The following GRIN2A variants were observed in gnomAD, a reference collection of about 807,000 sequenced individuals.
The protein encoded by GRIN2A is glutamate ionotropic receptor NMDA type subunit 2A.
GRIN2A carries 22 observed loss-of-function variants against 113.4 expected under a neutral mutation model. That is an observed-to-expected ratio of 0.19 (90% CI 0.14 to 0.28). The LOEUF is 0.28. Among genes scored for constraint, GRIN2A ranks in the 10% least tolerant of loss-of-function variants. GRIN2A has a pLI of 1.00. For synonymous variants in GRIN2A, 827 were observed against 738.4 expected, an observed-to-expected ratio of 1.12 and a Z score of -1.94; for missense variants, 1,502 against 1,887.0, an observed-to-expected ratio of 0.80 and a Z score of 3.78.
At chr16:10,039,267 TCTCAGATGCTCTCTTGCTCA>T (rs1252277166) in intron 2 of GRIN2A, among the ~76,000 whole-genome samples, 1 of 152,128 alleles carries the variant, frequency 6.6e-6, no homozygotes, top group Non-Finnish European at 1.5e-5. Context: ...TAGCGTGTTT[TCTCAGATGCTCTCTTGCTCA>T]CGACTCAAAG....
intron 2 of GRIN2A, among the ~76,000 whole-genome samples, chr16:10,090,014 A>AT (rs916636368): frequency 2.0e-5 from 3 of 152,188 alleles, no homozygotes; most frequent in African/African-American, 4.8e-5. Context: ...ATACCATGTG[A>AT]TAAAAAAAAA....
chr16:9,872,514 G>C lies in GRIN2A; in HGVS notation c.1122+18472C>G, dbSNP rs986792719. Reference sequence around the variant, plus strand: ...GACAGATGTCCCATCTGTATTTTTTGAATCCTCATCCATTTTCAGTGAGAT... The same window carrying C: ...GACAGATGTCCCATCTGTATTTTTTCAATCCTCATCCATTTTCAGTGAGAT... On this transcript the variant is annotated intron_variant, in intron 4 of 12. Coordinates refer to ENST00000330684, the MANE Select transcript of GRIN2A (RefSeq NM_001134407.3). Among the ~76,000 whole-genome samples, 5 of 152,190 alleles carry C rather than the reference G, an allele frequency of 3.3e-5. No individual in the cohort carries two copies. In the South Asian group the frequency reaches 1.0e-3, roughly 32 times the overall value.
Position 9,754,879 on chromosome 16 carries a change from G to A in GRIN2A, c.*8270C>T. 4.5e-6 allele frequency: 1 copy of A among 224,324 alleles called. No individual in the cohort carries two copies. Among genetic ancestry groups the A allele is most frequent in the East Asian group, 6.5e-5 (1 of 15,486 alleles). The allele number at this position is 224,324 out of a possible 1,614,324, so 13.9% of individuals were successfully genotyped here. A position where few individuals can be genotyped will look rare whatever the true frequency, so the allele number is the denominator to read the frequency against. Reference sequence around the variant, plus strand: ...TTTGAGCCCTTTAAAACTTGAAACAGCAAAATGTCAGATCAATGGGAAGCA... The same window carrying A: ...TTTGAGCCCTTTAAAACTTGAAACAACAAAATGTCAGATCAATGGGAAGCA... On this transcript the variant is annotated 3_prime_UTR_variant, in exon 13 of 13. Coordinates refer to ENST00000330684, the MANE Select transcript of GRIN2A (RefSeq NM_001134407.3).
At chr16:9,948,512 T>C (rs1279600258) in intron 2 of GRIN2A, among the ~76,000 whole-genome samples, 1 of 152,224 alleles carries the variant, frequency 6.6e-6, no homozygotes, top group Non-Finnish European at 1.5e-5. Context: ...CCAGGGGTCC[T>C]GGTGCCAGGT....
At chr16:10,132,741 A>G (rs1756083996) in intron 2 of GRIN2A, among the ~76,000 whole-genome samples, 1 of 152,236 alleles carries the variant, frequency 6.6e-6, no homozygotes, top group African/African-American at 2.4e-5. Flanking sequence ...AAGAAGCAAA[A>G]TAATACGTCT....
intron 2 of GRIN2A, among the ~76,000 whole-genome samples, chr16:10,051,805 C>T (rs140494951): frequency 0.011 from 1,650 of 152,326 alleles, 10 homozygotes; most frequent in Non-Finnish European, 0.017. Context: ...CCAGACCCTG[C>T]CTTCTCTGCC....
intron 11 of GRIN2A, among the ~76,000 whole-genome samples, chr16:9,770,127 T>A (rs78280782): frequency 0.034 from 5,133 of 152,324 alleles, 190 homozygotes; most frequent in African/African-American, 0.092. Context: ...CTCTGATCTA[T>A]ATGTCTAGCA....
At chr16:9,947,783 C>T (rs1178929789) in intron 2 of GRIN2A, among the ~76,000 whole-genome samples, 1 of 151,624 alleles carries the variant, frequency 6.6e-6, no homozygotes, top group Non-Finnish European at 1.5e-5. Flanking sequence ...TCCATTTTCT[C>T]ATTTTTTTTT....
At chr16:9,913,475 G>A (rs1460584535) in intron 3 of GRIN2A, among the ~76,000 whole-genome samples, 1 of 152,060 alleles carries the variant, frequency 6.6e-6, no homozygotes, top group East Asian at 1.9e-4. Flanking sequence ...ATAAGTAATT[G>A]AAACAAGTTT....
chr16:10,067,724 G>A (rs1042332294), intron 2 of GRIN2A, among the ~76,000 whole-genome samples: 2 of 152,080 alleles, frequency 1.3e-5, no homozygotes, highest in African/African-American at 4.8e-5. Flanking sequence ...GTTCTATACT[G>A]GGGACACATT....
intron 10 of GRIN2A, among the ~76,000 whole-genome samples, chr16:9,800,408 C>A (rs1903289061): frequency 6.6e-6 from 1 of 152,166 alleles, no homozygotes; most frequent in Admixed American, 6.5e-5. Flanking sequence ...GACTCAACTT[C>A]ATGACACTTT....
chr16:9,805,922 C>A (rs1366714651), intron 10 of GRIN2A, among the ~76,000 whole-genome samples: 2 of 152,170 alleles, frequency 1.3e-5, no homozygotes, highest in African/African-American at 4.8e-5. Flanking sequence ...CAGGGACTAC[C>A]TGCCATCAGC....
chr16:10,152,774 C>A (rs1596557815), intron 2 of GRIN2A, among the ~76,000 whole-genome samples: 1 of 152,300 alleles, frequency 6.6e-6, no homozygotes, highest in Non-Finnish European at 1.5e-5. Flanking sequence ...AGTGTGACAT[C>A]AAGCCGTGAA....
In GRIN2A at chr16:9,755,404, A is replaced by C. The variant is rs565646878; in HGVS notation, c.*7745T>G. The C allele has an allele frequency of 1.1e-5, 2 of 184,398 alleles. No individual in the cohort carries two copies. The highest frequency in any genetic ancestry group is 4.7e-5 in the African/African-American group (2 of 42,556). The allele number at this position is 184,398 out of a possible 1,614,324, so 11.4% of individuals were successfully genotyped here. On this transcript the variant is annotated 3_prime_UTR_variant, in exon 13 of 13. Transcript: ENST00000330684. Reference sequence around the variant, plus strand: ...TGTAGACCCAACAACAGGATCTCCAAATAACAAATAATAATCTTTCTGTCT... The same window carrying C: ...TGTAGACCCAACAACAGGATCTCCACATAACAAATAATAATCTTTCTGTCT...
chr16:9,806,357 T>C (rs2041966638), intron 10 of GRIN2A, among the ~76,000 whole-genome samples: 1 of 152,254 alleles, frequency 6.6e-6, no homozygotes, highest in South Asian at 2.1e-4. Context: ...GAGTCATCTA[T>C]GGATTTTTAG....
At chr16:10,110,000 A>G (rs140714747) in intron 2 of GRIN2A, among the ~76,000 whole-genome samples, 24,149 of 152,072 alleles carry the variant, frequency 0.16, 2,506 homozygotes, top group East Asian at 0.36. Context: ...TGCTGCATCC[A>G]TTAACTCGTC....
At chr16:10,031,986 A>G (rs1288147752) in intron 2 of GRIN2A, among the ~76,000 whole-genome samples, 2 of 152,206 alleles carry the variant, frequency 1.3e-5, no homozygotes, top group Non-Finnish European at 2.9e-5. Flanking sequence ...TCTCAGTTTC[A>G]GCCCATGTCC....
At chr16:9,849,987 C>G in intron 4 of GRIN2A, 26 bp from the exon 5 acceptor site, 1 of 1,593,830 alleles carries the variant, frequency 6.3e-7, no homozygotes, top group East Asian at 2.2e-5. Context: ...AAAGACACAG[C>G]TGTGCTTTCT....
chr16:9,812,376 C>G (rs999719553), intron 10 of GRIN2A, among the ~76,000 whole-genome samples: 1 of 152,198 alleles, frequency 6.6e-6, no homozygotes, highest in Admixed American at 6.5e-5. Context: ...CGGTAACTCA[C>G]GCCTGTAATC....
Sources: allele counts gnomAD v4.1 joint callset (sites outside exome capture counted in the v4.1 genomes callset), GRCh38; gene constraint gnomAD v4.1.1; transcripts MANE v1.5; gene names NCBI Gene and HGNC (gene_info 2026-07-23, HGNC 2026-07-21).